THRB: variants seen among roughly 807,000 people sequenced by gnomAD.
The protein encoded by THRB is nuclear receptor subfamily 1 group A member 2.
In THRB, 12 loss-of-function variants were observed where a neutral mutation model predicts 47.8. The ratio of observed to expected loss-of-function variants is 0.25; its 90% CI spans 0.16 to 0.41. The LOEUF (loss-of-function observed/expected upper bound fraction) is 0.41. Ranked by LOEUF, THRB falls within the 10% of genes least tolerant of loss-of-function variation. The pLI is 1.00. For missense variants in THRB, 348 were observed against 589.2 expected (o/e 0.59, Z 4.24); for synonymous variants, 218 against 212.2 (o/e 1.03, Z -0.24).
At chr3:24,167,758 T>C (rs1185359814) in intron 5 of THRB, among the ~76,000 whole-genome samples, 1 of 152,122 alleles carries the variant, frequency 6.6e-6, no homozygotes, top group African/African-American at 2.4e-5. Flanking sequence ...ATCCAAGCAA[T>C]TTCTTGCTTT....
chr3:24,384,497 G>A (rs2065940375), intron 1 of THRB, among the ~76,000 whole-genome samples: 1 of 152,132 alleles, frequency 6.6e-6, no homozygotes, highest in Admixed American at 6.6e-5. Flanking sequence ...ATGGTGAAAG[G>A]AGGATAAAAT....
rs969331749 is a variant in THRB, at chr3:24,375,888, C to T, written c.-260-38517G>A. ...AAATTGTTTCAACAGATGACCATAT[C>T]CCAATTTAAAAGAAAATAAGGAGAT... is the stretch of plus-strand genomic sequence containing the variant. On this transcript the variant is annotated intron_variant, in intron 1 of 10. Transcript: ENST00000646209. Among the ~76,000 whole-genome samples the T allele has an allele frequency of 2.0e-5, 3 of 151,908 alleles. No homozygotes were observed. The East Asian group carries it at 5.8e-4, about 29-fold the overall frequency.
intron 2 of THRB, among the ~76,000 whole-genome samples, chr3:24,314,914 T>G (rs550241438): frequency 6.6e-6 from 1 of 152,332 alleles, no homozygotes; most frequent in South Asian, 2.1e-4. Flanking sequence ...TTAATTTCCT[T>G]TTACAATTCT....
chr3:24,345,426 G>A (rs917931420), intron 1 of THRB, among the ~76,000 whole-genome samples: 1 of 152,032 alleles, frequency 6.6e-6, no homozygotes, highest in African/African-American at 2.4e-5. Context: ...CTTTATAATG[G>A]TTCTTTTGAT....
At chr3:24,227,970 A>C (rs192230622) in intron 4 of THRB, among the ~76,000 whole-genome samples, 44 of 152,294 alleles carry the variant, frequency 2.9e-4, no homozygotes, top group African/African-American at 8.2e-4. Context: ...AAGTCTATAA[A>C]ATTTTTATAA....
chr3:24,246,871 GTCA>G (rs777319257), intron 3 of THRB, among the ~76,000 whole-genome samples: 4 of 152,126 alleles, frequency 2.6e-5, no homozygotes, highest in Admixed American at 6.5e-5. Flanking sequence ...GTGGATCTTG[GTCA>G]TCAATTTGTA....
rs952796260 is a variant in THRB at position 24,120,491 on chromosome 3, G to A, written c.*2393C>T. 1 of 152,276 alleles carries A rather than the reference G, an allele frequency of 6.6e-6. No individual in the cohort carries two copies. The highest frequency in any genetic ancestry group is 1.5e-5 in the Non-Finnish European group (1 of 68,058). The allele number at this position is 152,276 out of a possible 1,614,324, so 9.4% of individuals were successfully genotyped here. On this transcript the variant is annotated 3_prime_UTR_variant, in exon 11 of 11. Transcript: ENST00000646209. ...GGGTGTCTGATGTACTGAGGACCCT[G>A]TCAAACAAAATGAGGAAACTTTCCC...
chr3:24,273,591 A>G (rs942293279), intron 3 of THRB, among the ~76,000 whole-genome samples: 1 of 152,202 alleles, frequency 6.6e-6, no homozygotes, highest in Non-Finnish European at 1.5e-5. Context: ...GAAGACAGAA[A>G]GTTTTTTCAT....
At position 24,190,103 on chromosome 3, in the gene THRB, G is replaced by C. The variant is rs61756233; in HGVS notation, c.254C>G (p.Thr85Ser). The change falls in exon 5 of 11, where the codon ACC becomes AGC. Residue 85 changes from threonine to serine, a missense_variant. This residue lies in a region of THRB where 148 missense variants were observed against 122.3 expected (regional missense o/e 1.21). Transcript: ENST00000646209. ...VNDQSVSSAQ[T>S]FQTEEKKCKG... ...ACATTTCTTCTCCTCCGTTTGGAAG[G>C]TCTGGGCACTTGAGACACTCTGGTC... 12 of 1,614,050 alleles carry C rather than the reference G, an allele frequency of 7.4e-6. No individual in the cohort carries two copies. Among genetic ancestry groups the C allele is most frequent in the Non-Finnish European group, 9.3e-6 (11 of 1,179,924 alleles).
At chr3:24,162,095 A>G (rs1336730793) in intron 5 of THRB, among the ~76,000 whole-genome samples, 2 of 152,102 alleles carry the variant, frequency 1.3e-5, no homozygotes, top group African/African-American at 4.8e-5. Flanking sequence ...CCAGATGCAG[A>G]TGCAGGCTGT....
intron 5 of THRB, among the ~76,000 whole-genome samples, chr3:24,157,803 C>T (rs542313160): frequency 1.3e-5 from 2 of 152,306 alleles, no homozygotes; most frequent in Middle Eastern, 3.4e-3. Flanking sequence ...AGTGTTGGGA[C>T]TACAGGCATG....
At position 24,466,585 on chromosome 3, in the gene THRB, A is replaced by G. The variant is rs571289101; in HGVS notation, c.-261+28067T>C. On this transcript the variant is annotated intron_variant, in intron 1 of 10. Transcript: ENST00000646209. Reference sequence around the variant, plus strand: ...TCAACTACAGGCACACTTTGGAGATACTGCAGGTATGAATTTAGACCACTG... The same window carrying G: ...TCAACTACAGGCACACTTTGGAGATGCTGCAGGTATGAATTTAGACCACTG... 2.6e-4 allele frequency among the ~76,000 whole-genome samples: 39 copies of G among 152,290 alleles called. No homozygotes were observed. In the South Asian group the frequency reaches 7.9e-3, roughly 31 times the overall value.
At chr3:24,279,532 C>A (rs1436294115) in intron 3 of THRB, among the ~76,000 whole-genome samples, 1 of 151,210 alleles carries the variant, frequency 6.6e-6, no homozygotes, top group Admixed American at 6.6e-5. Context: ...CTACAGGCGC[C>A]CGCCACCACG....
chr3:24,268,898 T>G (rs1505290), intron 3 of THRB, among the ~76,000 whole-genome samples: 3 of 41,072 alleles, frequency 7.3e-5, no homozygotes, highest in South Asian at 1.6e-3. Flanking sequence ...ATCTTAAAAA[T>G]AAAAAGAAAA....
chr3:24,339,280 T>C (rs1236133236), intron 1 of THRB, among the ~76,000 whole-genome samples: 1 of 152,224 alleles, frequency 6.6e-6, no homozygotes, highest in African/African-American at 2.4e-5. Flanking sequence ...ATACACAGCA[T>C]TTATTAAACA....
chr3:24,417,753 G>A (rs960975962), intron 1 of THRB, among the ~76,000 whole-genome samples: 1 of 151,934 alleles, frequency 6.6e-6, no homozygotes, highest in African/African-American at 2.4e-5. Context: ...GTCATTGAGA[G>A]CTTGTCGCAT....
chr3:24,293,162 C>G (rs2056115778), intron 3 of THRB, among the ~76,000 whole-genome samples: 1 of 152,140 alleles, frequency 6.6e-6, no homozygotes, highest in Non-Finnish European at 1.5e-5. Context: ...TTGGGGTGGT[C>G]TGAAAGGGTA....
intron 1 of THRB, among the ~76,000 whole-genome samples, chr3:24,493,339 A>G (rs1698470930): frequency 1.3e-5 from 2 of 152,236 alleles, no homozygotes; most frequent in African/African-American, 4.8e-5. Context: ...ATTGCATGCT[A>G]TACATTCTTA....
intron 4 of THRB, among the ~76,000 whole-genome samples, chr3:24,213,769 T>C (rs2046296466): frequency 6.6e-6 from 1 of 152,212 alleles, no homozygotes; most frequent in Admixed American, 6.5e-5. Context: ...CCTGTGACTC[T>C]TTAGTGTTTA....
Sources: allele counts gnomAD v4.1 joint callset (sites outside exome capture counted in the v4.1 genomes callset), GRCh38; gene constraint gnomAD v4.1.1; regional missense constraint gnomAD v4.1.1; transcripts MANE v1.5; gene names NCBI Gene and HGNC (gene_info 2026-07-23, HGNC 2026-07-21).